Variants in SNTG2 observed in about 807,000 individuals in gnomAD.
SNTG2 encodes the protein syntrophin gamma 2.
SNTG2 carries 74 observed loss-of-function variants against 70.9 expected under a neutral mutation model. That is an observed-to-expected ratio of 1.04 (90% confidence interval 0.86 to 1.27). SNTG2 has a LOEUF of 1.27. Ranked by LOEUF, SNTG2 falls within the 50% of genes most tolerant of loss-of-function variation. The pLI, the probability that SNTG2 is intolerant of heterozygous loss-of-function variation, is 0.00. For missense variants in SNTG2, 717 were observed against 690.7 expected, an observed-to-expected ratio of 1.04 and a Z score of -0.43; for synonymous variants, 278 against 273.8, an observed-to-expected ratio of 1.02 and a Z score of -0.15.
intron 1 of SNTG2, among the ~76,000 whole-genome samples, chr2:997,268 G>C (rs1357702731): frequency 1.3e-5 from 2 of 152,210 alleles, no homozygotes; most frequent in African/African-American, 4.8e-5. Flanking sequence ...CGTGGCTTAT[G>C]AACAGAAGCC....
chr2:1,340,462 G>A (rs1048706049), intron 16 of SNTG2, among the ~76,000 whole-genome samples: 1 of 152,198 alleles, frequency 6.6e-6, no homozygotes, highest in Non-Finnish European at 1.5e-5. Flanking sequence ...TCCAGGTTCT[G>A]TAGAGCTGGT....
intron 16 of SNTG2, among the ~76,000 whole-genome samples, chr2:1,333,922 A>G (rs1659664423): frequency 6.6e-6 from 1 of 152,210 alleles, no homozygotes; most frequent in Admixed American, 6.5e-5. Flanking sequence ...AAATGCAACA[A>G]AAAGCAAAAA....
chr2:998,611 A>T (rs887525381), intron 1 of SNTG2, among the ~76,000 whole-genome samples: 1 of 151,990 alleles, frequency 6.6e-6, no homozygotes, highest in Non-Finnish European at 1.5e-5. Flanking sequence ...TAAAAAAAAA[A>T]TTTAAGGCCT....
intron 1 of SNTG2, among the ~76,000 whole-genome samples, chr2:1,031,528 A>AT (rs745388505): frequency 2.9e-4 from 17 of 59,120 alleles, no homozygotes; most frequent in African/African-American, 6.6e-4. Context: ...ATATATATAT[A>AT]TTTTTTTTTT....
chr2:1,159,694 G>A (rs894136807), intron 6 of SNTG2, among the ~76,000 whole-genome samples: 4 of 151,984 alleles, frequency 2.6e-5, no homozygotes, highest in Non-Finnish European at 4.4e-5. Flanking sequence ...AGAGAAGCCC[G>A]CAGGAGCAAA....
intron 1 of SNTG2, among the ~76,000 whole-genome samples, chr2:1,049,659 A>G (rs1026497164): frequency 1.3e-5 from 2 of 152,242 alleles, no homozygotes; most frequent in Admixed American, 1.3e-4. Context: ...GTAAATAGCA[A>G]AAAGCATGCC....
intron 13 of SNTG2, among the ~76,000 whole-genome samples, chr2:1,264,138 G>T (rs1678599489): frequency 6.6e-6 from 1 of 152,190 alleles, no homozygotes; most frequent in African/African-American, 2.4e-5. Flanking sequence ...AAAAGTTAGA[G>T]ATGTCGTGAA....
chr2:991,885 A>T (rs1370939441), intron 1 of SNTG2, among the ~76,000 whole-genome samples: 1 of 152,136 alleles, frequency 6.6e-6, no homozygotes, highest in African/African-American at 2.4e-5. Flanking sequence ...CTGGGAGAGG[A>T]ATTAATTTTG....
intron 10 of SNTG2, among the ~76,000 whole-genome samples, chr2:1,239,432 A>C (rs1572838768): frequency 2.0e-5 from 3 of 152,374 alleles, no homozygotes; most frequent in Admixed American, 2.0e-4. Flanking sequence ...TCACAAGGTT[A>C]TGTAGAGCAG....
At chr2:1,077,144 C>T (rs1428967034) in intron 1 of SNTG2, among the ~76,000 whole-genome samples, 3 of 152,082 alleles carry the variant, frequency 2.0e-5, no homozygotes, top group Admixed American at 6.5e-5. Context: ...ACACCTTGCC[C>T]GCCACTCTCA....
intron 4 of SNTG2, among the ~76,000 whole-genome samples, chr2:1,118,249 C>G (rs1667162937): frequency 6.6e-6 from 1 of 152,066 alleles, no homozygotes; most frequent in African/African-American, 2.4e-5. Flanking sequence ...TGGGCCGTGT[C>G]AGACCCTGCG....
At chr2:973,260 G>A (rs1310231623) in intron 1 of SNTG2, among the ~76,000 whole-genome samples, 1 of 152,090 alleles carries the variant, frequency 6.6e-6, no homozygotes, top group African/African-American at 2.4e-5. Context: ...AATTCTCTCA[G>A]CTTTTGTTGT....
In SNTG2 at chr2:1,137,610, G is replaced by A; in HGVS notation, c.326-12G>A. 6.2e-7 allele frequency: 1 copy of A among 1,611,850 alleles called. No homozygotes were observed. Among genetic ancestry groups the A allele is most frequent in the African/African-American group, 1.3e-5 (1 of 74,932 alleles). ...TTCTCTTAAAACTGTTGCCACTTTT[G>A]CCACCCTGCAGCTGACCAGACAGGG... On this transcript the variant is annotated splice_polypyrimidine_tract_variant and intron_variant, in intron 4 of 16. Transcript: ENST00000308624.
At position 951,023 on chromosome 2, in the gene SNTG2, G is replaced by A; in HGVS notation, c.27G>A (p.Pro9=). The A allele has an allele frequency of 7.9e-7, 1 of 1,260,436 alleles. No homozygotes were observed. Among genetic ancestry groups the A allele is most frequent in the Non-Finnish European group, 9.9e-7 (1 of 1,005,558 alleles). 78.1% of individuals were successfully genotyped at this position (1,260,436 alleles called of 1,614,324 possible). Residue 9 remains proline, a synonymous_variant, in exon 1 of 17, where the codon CCG becomes CCA. Coordinates refer to ENST00000308624, the MANE Select transcript of SNTG2 (RefSeq NM_018968.4). MGTEGPPP[P]AASRGRQGCL... is the part of the protein sequence containing the mutation. ...TGGGCACCGAGGGACCCCCGCCCCC[G>A]GCCGCCTCCCGCGGACGCCAGGGCT...
chr2:1,170,821 T>C (rs1192321586), intron 7 of SNTG2, among the ~76,000 whole-genome samples: 2 of 152,134 alleles, frequency 1.3e-5, no homozygotes, highest in East Asian at 3.9e-4. Context: ...CATCCGTGAA[T>C]GCGTTTTTCT....
At chr2:1,239,257 C>T (rs116123564) in intron 10 of SNTG2, among the ~76,000 whole-genome samples, 3,154 of 152,260 alleles carry the variant, frequency 0.021, 106 homozygotes, top group African/African-American at 0.071. Flanking sequence ...AGCTGCCTCC[C>T]GGCTGTGTGG....
At chr2:1,088,917 G>A (rs1449944188) in intron 2 of SNTG2, among the ~76,000 whole-genome samples, 1 of 152,234 alleles carries the variant, frequency 6.6e-6, no homozygotes, top group Admixed American at 6.5e-5. Context: ...CCACAGCGGA[G>A]GATGGCATGG....
intron 1 of SNTG2, among the ~76,000 whole-genome samples, chr2:960,809 G>A (rs1660323661): frequency 6.6e-6 from 1 of 151,528 alleles, no homozygotes; most frequent in African/African-American, 2.4e-5. Flanking sequence ...CCTAATGCCT[G>A]TTCATGGGAG....
chr2:1,004,634 G>A (rs1659509069), intron 1 of SNTG2, among the ~76,000 whole-genome samples: 1 of 152,218 alleles, frequency 6.6e-6, no homozygotes, highest in Non-Finnish European at 1.5e-5. Flanking sequence ...CTGTTAGCTG[G>A]CTAAAATCCA....
Sources: allele counts gnomAD v4.1 joint callset (sites outside exome capture counted in the v4.1 genomes callset), GRCh38; gene constraint gnomAD v4.1.1; transcripts MANE v1.5; gene names NCBI Gene and HGNC (gene_info 2026-07-23, HGNC 2026-07-21).